STOX1: variants seen among roughly 807,000 people sequenced by gnomAD.
STOX1 encodes storkhead-box protein 1.
STOX1 carries 57 observed loss-of-function variants against 74.8 expected under a neutral mutation model. The ratio of observed to expected loss-of-function variants is 0.76; its 90% CI spans 0.62 to 0.95. The LOEUF (loss-of-function observed/expected upper bound fraction) is 0.95. Among genes scored for constraint, STOX1 ranks in the 40% least tolerant of loss-of-function variants. The pLI is 0.00. For missense variants in STOX1, 1,010 were observed against 1,117.0 expected (o/e 0.90, Z 1.37); for synonymous variants, 375 against 401.3 (o/e 0.93, Z 0.78).
intron 1 of STOX1, among the ~76,000 whole-genome samples, chr10:68,829,254 C>G (rs1839345407): frequency 1.3e-5 from 2 of 152,372 alleles, no homozygotes; most frequent in Non-Finnish European, 2.9e-5. Flanking sequence ...GCAAGTGGAT[C>G]ACCTGAGTTC....
In STOX1 at chr10:68,885,760, C is replaced by A; in HGVS notation, c.1964C>A (p.Ala655Asp). 1 of 1,614,150 alleles carries A rather than the reference C, an allele frequency of 6.2e-7. No homozygotes were observed. The highest frequency in any genetic ancestry group is 1.1e-5 in the South Asian group (1 of 91,090). The change falls in exon 3 of 4, where the codon GCT becomes GAT. Residue 655 changes from alanine to aspartate, a missense_variant. Transcript: ENST00000298596. Reference protein sequence around the residue: ...GASFSDRTPSACRLVDNTIHQ... With the variant: ...GASFSDRTPSDCRLVDNTIHQ... Reference sequence around the variant, plus strand: ...TCCTTTTCAGACCGAACACCCTCTGCTTGTAGATTAGTGGATAACACAATA... The same window carrying A: ...TCCTTTTCAGACCGAACACCCTCTGATTGTAGATTAGTGGATAACACAATA...
chr10:68,834,673 C>T (rs1247351069), intron 1 of STOX1, among the ~76,000 whole-genome samples: 1 of 152,202 alleles, frequency 6.6e-6, no homozygotes, highest in African/African-American at 2.4e-5. Flanking sequence ...CCTGTCCTTT[C>T]CCAGTCAGCT....
In STOX1 at chr10:68,886,029, A is replaced by G. The variant is rs1167466570; in HGVS notation, c.2233A>G (p.Asn745Asp). 2.5e-6 allele frequency: 4 copies of G among 1,614,206 alleles called. No individual in the cohort carries two copies. Among genetic ancestry groups the G allele is most frequent in the Non-Finnish European group, 3.4e-6 (4 of 1,180,042 alleles). Residue 745 changes from asparagine (N) to aspartate (D), a missense_variant, in exon 3 of 4, where the codon AAT (asparagine) becomes GAT (aspartate). Asn to Asp is a conservative substitution (Grantham distance 23, BLOSUM62 1). Coordinates refer to ENST00000298596, the MANE Select transcript of STOX1 (RefSeq NM_152709.5). ...LYLEEDDISE[N>D]DDLRQMLPGH... ...TCTAGAGGAGGATGACATTTCTGAG[A>G]ATGACGACTTACGTCAAATGCTGCC... is the stretch of plus-strand genomic sequence containing the variant.
Position 68,874,013 on chromosome 10 carries a change from C to CTTTTTTTTTTTTTTTTTTTT in STOX1, c.311-7941_311-7922dup, listed in dbSNP as rs1160388935. ...GAAAAATTGCAGATAGCTAGGTAGC[C>CTTTTTTTTTTTTTTTTTTTT]TTTTTTTTTTTTTTTTTTTTTTTGC... On this transcript the variant is annotated intron_variant, in intron 1 of 3. Coordinates refer to ENST00000298596, the MANE Select transcript of STOX1 (RefSeq NM_152709.5). Among the ~76,000 whole-genome samples the CTTTTTTTTTTTTTTTTTTTT allele has an allele frequency of 7.8e-5, 2 of 25,752 alleles. 1 individual carries two copies. The highest frequency in any genetic ancestry group is 1.2e-4 in the Non-Finnish European group (2 of 16,354). 16.9% of individuals were successfully genotyped at this position (25,752 alleles called of 152,430 possible).
At chr10:68,852,774 C>T (rs916505600) in intron 1 of STOX1, among the ~76,000 whole-genome samples, 4 of 150,402 alleles carry the variant, frequency 2.7e-5, no homozygotes, top group Admixed American at 2.0e-4. Context: ...TGGAGTCTCG[C>T]TCTGTCACTC....
chr10:68,829,326 G>A (rs1359462930), intron 1 of STOX1, among the ~76,000 whole-genome samples: 2 of 152,164 alleles, frequency 1.3e-5, no homozygotes, highest in African/African-American at 4.8e-5. Context: ...GACCAGTCTG[G>A]CTAATACGGT....
chr10:68,886,495 A>G lies in STOX1; in HGVS notation c.2699A>G (p.Lys900Arg), dbSNP rs1056309694. 1 of 1,613,888 alleles carries G rather than the reference A, an allele frequency of 6.2e-7. No homozygotes were observed. The highest frequency in any genetic ancestry group is 8.5e-7 in the Non-Finnish European group (1 of 1,179,952). ...GAAATGAGAAAACATTTCCCACAAA[A>G]GTTCCAACTTTTCAACACTTCACAT... ...NQEMRKHFPQ[K>R]FQLFNTSHMP... The change falls in exon 3 of 4, where the codon AAG becomes AGG. Residue 900 changes from lysine (K) to arginine (R), a missense_variant. By Grantham distance (26) the Lys-to-Arg change is conservative. Transcript: ENST00000298596.
intron 1 of STOX1, among the ~76,000 whole-genome samples, chr10:68,846,146 A>ATTATTATTG (rs1316779201): frequency 7.0e-6 from 1 of 143,586 alleles, no homozygotes; most frequent in African/African-American, 2.7e-5. Context: ...TATTATTATT[A>ATTATTATTG]TTATTATTAT....
intron 1 of STOX1, among the ~76,000 whole-genome samples, chr10:68,851,471 A>G (rs79742497): frequency 0.059 from 8,925 of 152,216 alleles, 276 homozygotes; most frequent in Middle Eastern, 0.13. Flanking sequence ...TGGATATCCT[A>G]ATTACCCTGA....
At chr10:68,836,279 C>A (rs974852319) in intron 1 of STOX1, among the ~76,000 whole-genome samples, 3 of 152,184 alleles carry the variant, frequency 2.0e-5, no homozygotes, top group African/African-American at 7.2e-5. Context: ...GACACAGTAG[C>A]CCCTTTTCAG....
intron 1 of STOX1, among the ~76,000 whole-genome samples, chr10:68,853,352 G>A (rs1840038401): frequency 6.6e-6 from 1 of 152,166 alleles, no homozygotes; most frequent in Non-Finnish European, 1.5e-5. Flanking sequence ...CCACTGTGTG[G>A]TCTTAGCTCA....
chr10:68,867,766 GCA>G (rs1435814945), intron 1 of STOX1, among the ~76,000 whole-genome samples: 3 of 152,210 alleles, frequency 2.0e-5, no homozygotes, highest in African/African-American at 7.2e-5. Context: ...AATATCCTCA[GCA>G]CTATCCTTAT....
intron 1 of STOX1, among the ~76,000 whole-genome samples, chr10:68,860,846 C>T (rs1319166355): frequency 1.3e-5 from 2 of 151,570 alleles, no homozygotes; most frequent in South Asian, 2.1e-4. Flanking sequence ...TATGTTCCTT[C>T]TTCTTAGGTG....
intron 1 of STOX1, among the ~76,000 whole-genome samples, chr10:68,855,472 T>C (rs1278285593): frequency 1.3e-5 from 2 of 151,794 alleles, no homozygotes; most frequent in East Asian, 1.9e-4. Context: ...TGGGTCTCGC[T>C]GTATCACCCA....
intron 3 of STOX1, 71 bp downstream of exon 3, chr10:68,886,689 G>A (rs1335484866): frequency 7.7e-6 from 11 of 1,437,552 alleles, no homozygotes; most frequent in Non-Finnish European, 7.7e-6. Context: ...AGCATTTTGG[G>A]AGGCCGAGGC....
At chr10:68,853,919 A>G (rs1214532924) in intron 1 of STOX1, among the ~76,000 whole-genome samples, 1 of 151,828 alleles carries the variant, frequency 6.6e-6, no homozygotes, top group Non-Finnish European at 1.5e-5. Context: ...TCCCGACCTC[A>G]GGTGATATGC....
At chr10:68,865,323 A>G (rs1246442848) in intron 1 of STOX1, among the ~76,000 whole-genome samples, 1 of 151,202 alleles carries the variant, frequency 6.6e-6, no homozygotes, top group Non-Finnish European at 1.5e-5. Context: ...AGGAGATAGT[A>G]AAGAAACAGT....
intron 1 of STOX1, among the ~76,000 whole-genome samples, chr10:68,829,723 C>T (rs982578307): frequency 3.3e-5 from 5 of 152,012 alleles, no homozygotes; most frequent in African/African-American, 1.2e-4. Flanking sequence ...CCCCACCCCG[C>T]CCCCGTTTTT....
At position 68,885,680 on chromosome 10, in the gene STOX1, T is replaced by G. The variant is rs1347709554; in HGVS notation, c.1884T>G (p.Phe628Leu). ...TCTTGAGGAAAAGTCATTCCCACTT[T>G]GACAAATTAGGGGAGACCAAACAGA... ...PEVLRKSHSHFDKLGETKQTP... is the reference protein window; with the variant it reads ...PEVLRKSHSHLDKLGETKQTP... The change falls in exon 3 of 4, where the codon TTT becomes TTG. Residue 628 changes from phenylalanine to leucine, a missense_variant. By Grantham distance (22) the Phe-to-Leu change is conservative. Transcript: ENST00000298596. 3.1e-6 allele frequency: 5 copies of G among 1,614,134 alleles called. No homozygotes were observed. In the South Asian group the frequency reaches 5.5e-5, roughly 18 times the overall value.
Sources: allele counts gnomAD v4.1 joint callset (sites outside exome capture counted in the v4.1 genomes callset), GRCh38; gene constraint gnomAD v4.1.1; transcripts MANE v1.5; gene names NCBI Gene and HGNC (gene_info 2026-07-23, HGNC 2026-07-21).